Variants in FYB1 observed in about 807,000 individuals in gnomAD.
The protein encoded by FYB1 is FYN-binding protein 1.
FYB1 carries 41 observed loss-of-function variants against 94.1 expected under a neutral mutation model. The observed-to-expected ratio is 0.44, with a 90% confidence interval of 0.34 to 0.57. The LOEUF (loss-of-function observed/expected upper bound fraction) is 0.57. Among genes scored for constraint, FYB1 ranks in the 20% least tolerant of loss-of-function variants. The pLI, the probability that FYB1 is intolerant of heterozygous loss-of-function variation, is 0.02. For synonymous variants in FYB1, 367 were observed against 353.2 expected (o/e 1.04, Z -0.44); for missense variants, 1,050 against 976.8 (o/e 1.07, Z -1.00).
At chr5:39,212,398 A>G (rs1288954177) in intron 1 of FYB1, among the ~76,000 whole-genome samples, 4 of 152,238 alleles carry the variant, frequency 2.6e-5, no homozygotes, top group East Asian at 1.9e-4. Flanking sequence ...AGTGAAAGCT[A>G]TACATTAGAA....
chr5:39,260,291 T>A (rs74293565), intron 1 of FYB1, among the ~76,000 whole-genome samples: 1 of 26,166 alleles, frequency 3.8e-5, no homozygotes, highest in Non-Finnish European at 7.8e-5. Context: ...TTTTTATAAA[T>A]AAAGTTTTAT....
At chr5:39,216,505 A>C (rs1367181533) in intron 1 of FYB1, among the ~76,000 whole-genome samples, 1 of 152,006 alleles carries the variant, frequency 6.6e-6, no homozygotes, top group Non-Finnish European at 1.5e-5. Flanking sequence ...CTCTCAACCC[A>C]TCACCTAGGT....
At chr5:39,178,543 C>T (rs1321760608) in intron 2 of FYB1, among the ~76,000 whole-genome samples, 1 of 152,140 alleles carries the variant, frequency 6.6e-6, no homozygotes, top group Non-Finnish European at 1.5e-5. Flanking sequence ...CTCTGAGCCT[C>T]TGAATCTTCA....
chr5:39,161,186 G>A (rs1346377080), intron 2 of FYB1, among the ~76,000 whole-genome samples: 1 of 152,100 alleles, frequency 6.6e-6, no homozygotes, highest in Non-Finnish European at 1.5e-5. Flanking sequence ...GAGCTTCTGA[G>A]GTGGGTCTCC....
At chr5:39,191,347 G>A (rs1405087398) in intron 2 of FYB1, among the ~76,000 whole-genome samples, 1 of 152,184 alleles carries the variant, frequency 6.6e-6, no homozygotes, top group Non-Finnish European at 1.5e-5. Flanking sequence ...CAGGACCAAG[G>A]CTGAAAAAGC....
At position 39,158,810 on chromosome 5, in the gene FYB1, C is replaced by T. The variant is rs116452302; in HGVS notation, c.1136-5206G>A. ...ATGGATTCCTTAACAACACCAAAGACGTTATACCATATTGCTGCTCCCAAT... is the reference window on the plus strand; with the variant it reads ...ATGGATTCCTTAACAACACCAAAGATGTTATACCATATTGCTGCTCCCAAT... On this transcript the variant is annotated intron_variant, in intron 2 of 18. Coordinates refer to ENST00000512982, the MANE Select transcript of FYB1 (RefSeq NM_001465.6). 3.3e-3 allele frequency among the ~76,000 whole-genome samples: 503 copies of T among 152,212 alleles called. 2 individuals are homozygous for T. Among genetic ancestry groups the T allele is most frequent in the African/African-American group, 0.011 (472 of 41,532 alleles).
At chr5:39,130,998 G>T (rs1741155918) in intron 9 of FYB1, among the ~76,000 whole-genome samples, 1 of 152,038 alleles carries the variant, frequency 6.6e-6, no homozygotes, top group South Asian at 2.1e-4. Flanking sequence ...AATTATTGTT[G>T]CATTAAATTA....
intron 2 of FYB1, among the ~76,000 whole-genome samples, chr5:39,186,226 C>T (rs908494518): frequency 1.1e-4 from 16 of 152,148 alleles, no homozygotes; most frequent in Non-Finnish European, 2.1e-4. Context: ...GAGATCGAGA[C>T]CATCTTGGCC....
intron 3 of FYB1, among the ~76,000 whole-genome samples, chr5:39,150,440 G>T (rs1204553277): frequency 6.6e-6 from 1 of 152,032 alleles, no homozygotes; most frequent in Admixed American, 6.6e-5. Context: ...AGTTCTTTTT[G>T]TTTATAAAGC....
chr5:39,184,231 CA>C (rs1746532284), intron 2 of FYB1, among the ~76,000 whole-genome samples: 1 of 152,074 alleles, frequency 6.6e-6, no homozygotes, highest in African/African-American at 2.4e-5. Flanking sequence ...AATTATAATT[CA>C]ACCAACTGAT....
rs191268511 is a variant in FYB1, at chr5:39,212,164, C to T, written c.-28+7279G>A. The stretch of plus-strand genomic sequence containing the variant: ...CTACAAAAGAATATGCAATATTAGC[C>T]AGGCACAGTGGTGAGTGCCTGTAGT... On this transcript the variant is annotated intron_variant, in intron 1 of 18. Coordinates refer to ENST00000512982, the MANE Select transcript of FYB1 (RefSeq NM_001465.6). 4.6e-5 allele frequency among the ~76,000 whole-genome samples: 7 copies of T among 152,116 alleles called. No homozygotes were observed. The East Asian group carries it at 7.7e-4, about 17-fold the overall frequency.
At chr5:39,217,375 A>G (rs1473735483) in intron 1 of FYB1, among the ~76,000 whole-genome samples, 1 of 152,184 alleles carries the variant, frequency 6.6e-6, no homozygotes, top group Non-Finnish European at 1.5e-5. Context: ...CAGTTGGGCT[A>G]AAATCTGGGT....
intron 7 of FYB1, 61 bp downstream of exon 7, chr5:39,137,539 C>T (rs1010550681): frequency 9.3e-5 from 140 of 1,500,804 alleles, no homozygotes; most frequent in East Asian, 5.9e-4. Context: ...AATGGTACCC[C>T]TTTTGTGTGA....
rs187724599 is a variant in FYB1 at position 39,244,862 on chromosome 5, G to A, written c.-28+29541C>T. On this transcript the variant is annotated intron_variant, in intron 1 of 1. Transcript: ENST00000510188. ...AGAGATTCAACTTCTTCCTGGTTTA[G>A]TCTTGGGAGGGTGTATGTGTCGAGG... Among the ~76,000 whole-genome samples the A allele has an allele frequency of 1.2e-3, 176 of 152,268 alleles. 2 individuals carry two copies. The highest frequency in any genetic ancestry group is 6.8e-3 in the Middle Eastern group (2 of 294).
intron 13 of FYB1, 140 bp downstream of exon 13, chr5:39,124,113 G>T (rs1035048112): frequency 1.1e-5 from 7 of 626,766 alleles, no homozygotes; most frequent in Middle Eastern, 3.7e-4. Context: ...ACCACCCAAG[G>T]TAAAGTTACT....
chr5:39,240,956 G>A lies in FYB1; in HGVS notation c.-28+33447C>T, dbSNP rs533487377. Among the ~76,000 whole-genome samples the A allele has an allele frequency of 3.6e-4, 55 of 152,236 alleles. 1 individual carries two copies. In the Middle Eastern group the frequency reaches 0.014, roughly 38 times the overall value. The stretch of plus-strand genomic sequence containing the variant: ...CAGTGGTAGACTGGATAAGGAAAAT[G>A]TACATATACACCATGGAATACTATG... On this transcript the variant is annotated intron_variant, in intron 1 of 1. Coordinates refer to the FYB1 transcript ENST00000510188.
chr5:39,228,913 T>C (rs1311092984), intron 1 of FYB1, among the ~76,000 whole-genome samples: 1 of 152,190 alleles, frequency 6.6e-6, no homozygotes, highest in Non-Finnish European at 1.5e-5. Flanking sequence ...TTTACCTAAA[T>C]ACAGTTTTCT....
intron 1 of FYB1, among the ~76,000 whole-genome samples, chr5:39,229,058 C>T (rs949022862): frequency 5.9e-5 from 9 of 152,138 alleles, no homozygotes; most frequent in East Asian, 1.9e-4. Context: ...AGTATGGCTA[C>T]GATCCTAGGA....
chr5:39,152,282 A>G (rs1743315274), intron 3 of FYB1, among the ~76,000 whole-genome samples: 1 of 152,204 alleles, frequency 6.6e-6, no homozygotes, highest in South Asian at 2.1e-4. Flanking sequence ...AAGCATATTA[A>G]AGTTAAAAAA....
Sources: allele counts gnomAD v4.1 joint callset (sites outside exome capture counted in the v4.1 genomes callset), GRCh38; gene constraint gnomAD v4.1.1; transcripts MANE v1.5; gene names NCBI Gene and HGNC (gene_info 2026-07-23, HGNC 2026-07-21).